The following PSD3 variants were observed in gnomAD, a reference collection of about 807,000 sequenced individuals.
PSD3 encodes the protein pleckstrin and Sec7 domain containing 3, also known as PH and SEC7 domain-containing protein 3.
PSD3 carries 49 observed loss-of-function variants against 105.5 expected under a neutral mutation model. That is an observed-to-expected ratio of 0.46 (90% CI 0.37 to 0.59). The LOEUF is 0.59. Ranked by LOEUF, PSD3 falls within the 20% of genes least tolerant of loss-of-function variation. The pLI, the probability that PSD3 is intolerant of heterozygous loss-of-function variation, is 0.00. For synonymous variants in PSD3, 557 were observed against 457.8 expected (o/e 1.22, Z -2.77); for missense variants, 1,561 against 1,263.8 (o/e 1.24, Z -3.57).
intron 11 of PSD3, among the ~76,000 whole-genome samples, chr8:18,607,386 A>G (rs943913866): frequency 1.3e-5 from 2 of 152,186 alleles, no homozygotes; most frequent in Non-Finnish European, 2.9e-5. Context: ...TTTGACCTGT[A>G]TAAACAAAAG....
At chr8:18,913,681 C>A (rs1820393883) in intron 2 of PSD3, among the ~76,000 whole-genome samples, 1 of 152,188 alleles carries the variant, frequency 6.6e-6, no homozygotes, top group African/African-American at 2.4e-5. Flanking sequence ...GACTAAGGAT[C>A]TAGGCCTGCC....
intron 1 of PSD3, among the ~76,000 whole-genome samples, chr8:18,987,106 T>C (rs1825539474): frequency 6.6e-6 from 1 of 152,152 alleles, no homozygotes; most frequent in Non-Finnish European, 1.5e-5. Context: ...TTGCAAACTA[T>C]ACCTAATAAT....
chr8:19,052,841 G>A (rs1207407782), intron 1 of PSD3, among the ~76,000 whole-genome samples: 1 of 152,114 alleles, frequency 6.6e-6, no homozygotes, highest in African/African-American at 2.4e-5. Context: ...ACACTGGGGA[G>A]GGACAGGTGC....
At chr8:18,817,425 C>A (rs58778678) in intron 4 of PSD3, among the ~76,000 whole-genome samples, 1,971 of 152,276 alleles carry the variant, frequency 0.013, 49 homozygotes, top group African/African-American at 0.045. Flanking sequence ...CTCCCCAGCA[C>A]TGTGCCCCGA....
intron 1 of PSD3, among the ~76,000 whole-genome samples, chr8:19,064,516 T>G (rs949006110): frequency 1.3e-5 from 2 of 151,496 alleles, no homozygotes; most frequent in Admixed American, 6.6e-5. Flanking sequence ...CATTTCTTTG[T>G]GTTAGGGACA....
chr8:18,877,615 C>A (rs73202145), intron 2 of PSD3, among the ~76,000 whole-genome samples: 13,638 of 149,518 alleles, frequency 0.091, 909 homozygotes, highest in Non-Finnish European at 0.13. Flanking sequence ...AATCACAGTT[C>A]ACTGCAGTGT....
At chr8:18,592,225 A>C (rs1296550163) in intron 12 of PSD3, among the ~76,000 whole-genome samples, 1 of 152,188 alleles carries the variant, frequency 6.6e-6, no homozygotes, top group Non-Finnish European at 1.5e-5. Context: ...CAAGCTGAAG[A>C]ATATAGTAAC....
At chr8:18,787,918 A>C (rs1809336341) in intron 8 of PSD3, among the ~76,000 whole-genome samples, 1 of 152,220 alleles carries the variant, frequency 6.6e-6, no homozygotes, top group Non-Finnish European at 1.5e-5. Flanking sequence ...CAAAACAGAC[A>C]AATTCTGTAA....
chr8:18,914,002 A>T (rs943945521), intron 2 of PSD3, among the ~76,000 whole-genome samples: 1 of 152,076 alleles, frequency 6.6e-6, no homozygotes, highest in Admixed American at 6.5e-5. Flanking sequence ...CTCCGGGCCC[A>T]TCAGAGTAAA....
chr8:18,810,272 T>C (rs1811583486), intron 4 of PSD3, among the ~76,000 whole-genome samples: 1 of 152,192 alleles, frequency 6.6e-6, no homozygotes, highest in South Asian at 2.1e-4. Context: ...AACAGCCATC[T>C]GCTAAGAGAA....
At chr8:18,715,061 A>G (rs547697636) in intron 9 of PSD3, among the ~76,000 whole-genome samples, 4 of 152,354 alleles carry the variant, frequency 2.6e-5, no homozygotes, top group Non-Finnish European at 5.9e-5. Flanking sequence ...GTTCTCACTC[A>G]TAAGTGGGAG....
chr8:18,577,848 T>C (rs557516698), intron 12 of PSD3, among the ~76,000 whole-genome samples: 1 of 152,120 alleles, frequency 6.6e-6, no homozygotes, highest in Admixed American at 6.6e-5. Flanking sequence ...ACTGCATCTA[T>C]GTTTCCTCGC....
intron 11 of PSD3, among the ~76,000 whole-genome samples, chr8:18,601,282 T>C (rs1025405651): frequency 7.9e-5 from 12 of 152,338 alleles, no homozygotes; most frequent in African/African-American, 2.9e-4. Flanking sequence ...TTTATTATCT[T>C]AATACAATTA....
At chr8:18,807,672 A>G (rs187672773) in intron 4 of PSD3, among the ~76,000 whole-genome samples, 2 of 152,352 alleles carry the variant, frequency 1.3e-5, no homozygotes, top group East Asian at 3.9e-4. Context: ...ACTAACATGT[A>G]TGGTAACCCT....
At chr8:18,931,690 A>T (rs114699860) in intron 2 of PSD3, among the ~76,000 whole-genome samples, 2,010 of 152,252 alleles carry the variant, frequency 0.013, 45 homozygotes, top group African/African-American at 0.045. Flanking sequence ...TGACGGCAGC[A>T]GGGAGGCAAT....
At chr8:18,839,111 A>C (rs183264831) in intron 4 of PSD3, among the ~76,000 whole-genome samples, 1 of 152,000 alleles carries the variant, frequency 6.6e-6, no homozygotes, top group South Asian at 2.1e-4. Context: ...GCTCTCTCCC[A>C]AACAGCCAGG....
At chr8:18,919,689 C>T (rs976158153) in intron 2 of PSD3, among the ~76,000 whole-genome samples, 6 of 151,820 alleles carry the variant, frequency 4.0e-5, no homozygotes, top group Admixed American at 1.3e-4. Context: ...TTTCTATGTG[C>T]GCCATTTGTA....
At chr8:18,818,727 G>A (rs571775901) in intron 4 of PSD3, among the ~76,000 whole-genome samples, 7 of 152,054 alleles carry the variant, frequency 4.6e-5, no homozygotes, top group Non-Finnish European at 7.4e-5. Context: ...AGAATGAAGA[G>A]TCTTTAAAAT....
intron 9 of PSD3, among the ~76,000 whole-genome samples, chr8:18,762,158 G>A (rs1806595034): frequency 6.6e-6 from 1 of 152,166 alleles, no homozygotes; most frequent in African/African-American, 2.4e-5. Context: ...ATTGGATCAG[G>A]AGGGCGGAGC....
Sources: gnomAD v4.1 joint callset for allele counts (sites outside exome capture counted in the v4.1 genomes callset) on GRCh38, gnomAD v4.1.1 for gene constraint, MANE v1.5 for transcripts, NCBI Gene and HGNC (gene_info 2026-07-23, HGNC 2026-07-21) for gene names.